The following CYP2C19 variants were observed in gnomAD, a reference collection of about 807,000 sequenced individuals.
CYP2C19 encodes the protein cytochrome P450 family 2 subfamily C member 19.
In CYP2C19, 59 loss-of-function variants were observed where a neutral mutation model predicts 40.9. That is an observed-to-expected ratio of 1.44 (90% CI 1.17 to 1.79). The LOEUF (loss-of-function observed/expected upper bound fraction) is 1.79. Ranked by LOEUF, CYP2C19 falls within the 40% of genes most tolerant of loss-of-function variation. CYP2C19 has a pLI of 0.00. For missense variants in CYP2C19, 754 were observed against 596.9 expected, an observed-to-expected ratio of 1.26 and a Z score of -2.74; for synonymous variants, 253 against 208.7, an observed-to-expected ratio of 1.21 and a Z score of -1.83.
chr10:94,849,079 T>C (rs1300900102), intron 7 of CYP2C19, among the ~76,000 whole-genome samples: 1 of 152,196 alleles, frequency 6.6e-6, no homozygotes, highest in Admixed American at 6.6e-5. Context: ...TCCCTTCTCC[T>C]GCCTGATAGC....
intron 5 of CYP2C19, among the ~76,000 whole-genome samples, chr10:94,795,898 G>A (rs1298692302): frequency 6.6e-6 from 1 of 151,882 alleles, no homozygotes; most frequent in African/African-American, 2.4e-5. Flanking sequence ...CTTGATATTA[G>A]GCCTTTGTCA....
intron 1 of CYP2C19, 47 bp from the exon 2 acceptor site, chr10:94,775,011 G>C (rs17878649): frequency 6.3e-7 from 1 of 1,598,122 alleles, no homozygotes; most frequent in East Asian, 2.2e-5. Context: ...TTAGTAAATG[G>C]ACAAAACAGT....
At chr10:94,805,497 CA>C (rs1461201768) in intron 5 of CYP2C19, among the ~76,000 whole-genome samples, 1 of 152,156 alleles carries the variant, frequency 6.6e-6, no homozygotes, top group Non-Finnish European at 1.5e-5. Flanking sequence ...AGTGTATTGG[CA>C]TTGATTACAT....
rs113123331 is a variant in CYP2C19 at position 94,792,696 on chromosome 10, G to A, written c.819+10699G>A. On this transcript the variant is annotated intron_variant, in intron 5 of 8. Coordinates refer to ENST00000371321, the MANE Select transcript of CYP2C19 (RefSeq NM_000769.4). ...GAATATTGGCTCCCATTCTCTTCTG[G>A]CTTGTAGAGTTTCTGCTGAGAGATC... 3.2e-3 allele frequency among the ~76,000 whole-genome samples: 490 copies of A among 152,232 alleles called. 3 individuals are homozygous for A. Among genetic ancestry groups the A allele is most frequent in the African/African-American group, 0.011 (452 of 41,548 alleles).
intron 5 of CYP2C19, among the ~76,000 whole-genome samples, chr10:94,801,943 G>C (rs1036968273): frequency 4.6e-5 from 7 of 152,198 alleles, no homozygotes; most frequent in Admixed American, 2.6e-4. Flanking sequence ...AAAGTGAGTA[G>C]CAGCAAGATT....
intron 5 of CYP2C19, among the ~76,000 whole-genome samples, chr10:94,792,058 G>A (rs1355361756): frequency 1.3e-5 from 2 of 152,086 alleles, no homozygotes; most frequent in South Asian, 2.1e-4. Context: ...TGTATTGGGT[G>A]CATATATATT....
chr10:94,774,772 C>T (rs1391440858), intron 1 of CYP2C19: 1 of 374,000 alleles, frequency 2.7e-6, no homozygotes, highest in African/African-American at 2.1e-5. Flanking sequence ...TCTCTTAGCT[C>T]AGTTTGTTTG....
intron 5 of CYP2C19, among the ~76,000 whole-genome samples, chr10:94,785,716 C>T (rs1848531554): frequency 6.6e-6 from 1 of 152,068 alleles, no homozygotes; most frequent in Non-Finnish European, 1.5e-5. Context: ...CAAAGAGCAT[C>T]GCGTAAAATC....
At chr10:94,836,540 T>G (rs1465659746) in intron 6 of CYP2C19, among the ~76,000 whole-genome samples, 1 of 152,230 alleles carries the variant, frequency 6.6e-6, no homozygotes, top group Non-Finnish European at 1.5e-5. Flanking sequence ...TTTCTGAGTT[T>G]CCTTAATTAG....
chr10:94,801,145 A>C (rs1848759273), intron 5 of CYP2C19, among the ~76,000 whole-genome samples: 1 of 152,128 alleles, frequency 6.6e-6, no homozygotes, highest in Non-Finnish European at 1.5e-5. Flanking sequence ...CTATTTGGCC[A>C]TCTTGCCACT....
intron 6 of CYP2C19, among the ~76,000 whole-genome samples, chr10:94,841,344 A>T (rs1240605793): frequency 3.3e-5 from 5 of 152,084 alleles, no homozygotes; most frequent in Non-Finnish European, 7.4e-5. Context: ...CACAGCAGAC[A>T]CCCTGCCAGA....
chr10:94,796,402 G>T (rs1848688469), intron 5 of CYP2C19, among the ~76,000 whole-genome samples: 1 of 152,166 alleles, frequency 6.6e-6, no homozygotes, highest in Admixed American at 6.5e-5. Context: ...CTGTAGCCTT[G>T]CAGTATAGTT....
chr10:94,829,813 T>C (rs1849297411), intron 6 of CYP2C19, among the ~76,000 whole-genome samples: 1 of 151,392 alleles, frequency 6.6e-6, no homozygotes, highest in Admixed American at 6.6e-5. Flanking sequence ...TTGATGATGG[T>C]GATGTGCAGA....
At chr10:94,770,357 G>T (rs768459324) in intron 1 of CYP2C19, among the ~76,000 whole-genome samples, 6 of 152,126 alleles carry the variant, frequency 3.9e-5, no homozygotes, top group Non-Finnish European at 8.8e-5. Context: ...AAATGTCCTT[G>T]TAAACCACAC....
chr10:94,844,491 T>C (rs546572422), intron 7 of CYP2C19, among the ~76,000 whole-genome samples: 1 of 152,308 alleles, frequency 6.6e-6, no homozygotes, highest in East Asian at 1.9e-4. Flanking sequence ...GGTTTCTGTA[T>C]TCATCCAGAC....
At position 94,774,892 on chromosome 10, in the gene CYP2C19, C is replaced by G. The variant is rs569491215; in HGVS notation, c.169-166C>G. 8.2e-6 allele frequency: 6 copies of G among 734,740 alleles called. No individual in the cohort carries two copies. The African/African-American group carries it at 1.1e-4, about 13-fold the overall frequency. 45.5% of individuals were successfully genotyped at this position (734,740 alleles called of 1,614,324 possible). ...TGAACATCATAGGCCATCTGAGTGG[C>G]AAGTATAATAATCATCATCATGTTT... On this transcript the variant is annotated intron_variant, in intron 1 of 8. Coordinates refer to ENST00000371321, the MANE Select transcript of CYP2C19 (RefSeq NM_000769.4).
intron 1 of CYP2C19, among the ~76,000 whole-genome samples, chr10:94,770,336 A>G (rs959566016): frequency 6.6e-6 from 1 of 152,080 alleles, no homozygotes; most frequent in Non-Finnish European, 1.5e-5. Context: ...TCATTGGACA[A>G]TCTTTTTTAA....
At chr10:94,791,111 C>G (rs565040732) in intron 5 of CYP2C19, among the ~76,000 whole-genome samples, 2 of 151,920 alleles carry the variant, frequency 1.3e-5, no homozygotes, top group Admixed American at 6.6e-5. Flanking sequence ...TGTATGTGTC[C>G]GGGAATTTAT....
At chr10:94,790,356 G>A (rs1311341913) in intron 5 of CYP2C19, among the ~76,000 whole-genome samples, 1 of 152,014 alleles carries the variant, frequency 6.6e-6, no homozygotes, top group African/African-American at 2.4e-5. Context: ...TTGCCTGATT[G>A]CCCTGGGCAG....
Sources: allele counts gnomAD v4.1 joint callset (sites outside exome capture counted in the v4.1 genomes callset), GRCh38; gene constraint gnomAD v4.1.1; transcripts MANE v1.5; gene names NCBI Gene and HGNC (gene_info 2026-07-23, HGNC 2026-07-21).